Variants in TTYH3 observed in about 807,000 individuals in gnomAD.
TTYH3 encodes the protein protein tweety homolog 3.
A neutral mutation model predicts 68.2 loss-of-function variants in TTYH3; 23 were observed. The observed-to-expected ratio is 0.34, with a 90% CI of 0.24 to 0.48. The LOEUF is 0.48. Among genes scored for constraint, TTYH3 ranks in the 20% least tolerant of loss-of-function variants. TTYH3 has a pLI of 0.99. For synonymous variants in TTYH3, 360 were observed against 332.8 expected, an observed-to-expected ratio of 1.08 and a Z score of -0.89; for missense variants, 768 against 727.7, an observed-to-expected ratio of 1.06 and a Z score of -0.64.
intron 6 of TTYH3, 115 bp from the exon 7 acceptor site, chr7:2,649,798 T>C: frequency 7.0e-7 from 1 of 1,436,340 alleles, no homozygotes; most frequent in Non-Finnish European, 9.7e-7. Context: ...AACCCCAGAT[T>C]CACAGTCCAC....
Position 2,658,950 on chromosome 7 carries a change from G to A in TTYH3, c.1435G>A (p.Ala479Thr). The A allele has an allele frequency of 1.2e-6, 2 of 1,614,036 alleles. No homozygotes were observed. Among genetic ancestry groups the A allele is most frequent in the Non-Finnish European group, 1.7e-6 (2 of 1,179,914 alleles). ...APVTEYMSQN[A>T]NFQNPRCENT... ...CCCCTCATGCCTCAGGAGCCAGAAC[G>A]CTAATTTCCAGAACCCCCGCTGTGA... The change falls in exon 13 of 14, where the codon GCT becomes ACT. Residue 479 changes from alanine (A) to threonine (T), a missense_variant. Physicochemically the swap from Ala to Thr is moderately conservative, Grantham distance 58. Coordinates refer to ENST00000258796, the MANE Select transcript of TTYH3 (RefSeq NM_025250.3).
At position 2,649,562 on chromosome 7, in the gene TTYH3, C is replaced by G; in HGVS notation, c.723-5C>G. On this transcript the variant is annotated splice_region_variant and splice_polypyrimidine_tract_variant and intron_variant, in intron 5 of 13. Coordinates refer to ENST00000258796, the MANE Select transcript of TTYH3 (RefSeq NM_025250.3). ...GGGGCTGCTGACTGGCTGTCTCTGC[C>G]CCAGGGTCTGCCTGCTGGGAGTCCT... The G allele has an allele frequency of 6.3e-7, 1 of 1,579,830 alleles. No individual in the cohort carries two copies. The highest frequency in any genetic ancestry group is 8.5e-7 in the Non-Finnish European group (1 of 1,170,028).
At chr7:2,656,662 C>G (rs993343978) in intron 11 of TTYH3, 128 bp downstream of exon 11, 5 of 1,176,958 alleles carry the variant, frequency 4.2e-6, no homozygotes, top group Non-Finnish European at 5.7e-6. Context: ...CTCCTCACCT[C>G]GTGACCCTCC....
rs1361753123 is a variant in TTYH3 at position 2,647,228 on chromosome 7, G to T, written c.380G>T (p.Arg127Leu). 5 of 1,597,588 alleles carry T rather than the reference G, an allele frequency of 3.1e-6. No individual in the cohort carries two copies. The highest frequency in any genetic ancestry group is 4.3e-6 in the Non-Finnish European group (5 of 1,174,998). Residue 127 changes from arginine (R) to leucine (L), a missense_variant, in exon 3 of 14, where the codon CGC (arginine) becomes CTC (leucine). By Grantham distance (102) the Arg-to-Leu change is moderately radical. Transcript: ENST00000258796. ...ACCTACTCGCTCCGCCACGCCAACC[G>T]CACGGTGGCCGGGGTCCAGGACCGC... ...RATYSLRHAN[R>L]TVAGVQDRVW...
At chr7:2,639,382 C>T (rs1003980212) in intron 1 of TTYH3, among the ~76,000 whole-genome samples, 3 of 152,214 alleles carry the variant, frequency 2.0e-5, no homozygotes, top group Non-Finnish European at 4.4e-5. Context: ...AGTGCCCTCC[C>T]CCACCTGTTG....
At chr7:2,661,575 T>A (rs1238847587) in intron 13 of TTYH3, 93 bp from the exon 14 acceptor site, 3 of 1,258,834 alleles carry the variant, frequency 2.4e-6, no homozygotes, top group Non-Finnish European at 3.4e-6. Context: ...CCAGGGCTGT[T>A]GGCTCAGCCA....
At position 2,648,031 on chromosome 7, in the gene TTYH3, C is replaced by T. The variant is rs767908729; in HGVS notation, c.699C>T (p.Arg233=). 1.9e-6 allele frequency: 3 copies of T among 1,610,576 alleles called. No individual in the cohort carries two copies. Among genetic ancestry groups the T allele is most frequent in the Non-Finnish European group, 2.5e-6 (3 of 1,179,852 alleles). The change falls in exon 5 of 14, where the codon CGC becomes CGT. Residue 233 remains arginine, a synonymous_variant. Transcript: ENST00000258796. The part of the protein sequence containing the change: ...ICLLVLVGLI[R]SSKGILVGVC... ...TCCTGGTGCTGGTTGGCCTCATCCG[C>T]AGCTCCAAGGGCATCCTGGTGGGGT...
In TTYH3 at chr7:2,647,216, G is replaced by A; in HGVS notation, c.368G>A (p.Arg123His). The change falls in exon 3 of 14, where the codon CGC (arginine) becomes CAC (histidine). Residue 123 changes from arginine (R) to histidine (H), a missense_variant. Transcript: ENST00000258796. Reference sequence around the variant, plus strand: ...ATCCATAGGGCCACCTACTCGCTCCGCCACGCCAACCGCACGGTGGCCGGG... The same window carrying A: ...ATCCATAGGGCCACCTACTCGCTCCACCACGCCAACCGCACGGTGGCCGGG... ...DGIHRATYSL[R>H]HANRTVAGVQ... is the part of the protein sequence containing the mutation. The A allele has an allele frequency of 1.2e-6, 2 of 1,602,652 alleles. No homozygotes were observed. Among genetic ancestry groups the A allele is most frequent in the Non-Finnish European group, 8.5e-7 (1 of 1,176,892 alleles).
chr7:2,644,351 C>T (rs898138303), intron 1 of TTYH3, among the ~76,000 whole-genome samples: 3 of 152,146 alleles, frequency 2.0e-5, no homozygotes, highest in African/African-American at 4.8e-5. Context: ...TTCCAAGCTC[C>T]CTAACGTTTA....
intron 9 of TTYH3, 144 bp from the exon 10 acceptor site, chr7:2,655,948 T>G: frequency 1.5e-6 from 1 of 652,554 alleles, no homozygotes; most frequent in African/African-American, 1.8e-5. Context: ...CCTCAGGACC[T>G]GCACTGAGAC....
intron 1 of TTYH3, among the ~76,000 whole-genome samples, chr7:2,646,603 T>C (rs1785990173): frequency 6.6e-6 from 1 of 152,196 alleles, no homozygotes; most frequent in Non-Finnish European, 1.5e-5. Flanking sequence ...TATGGAGTCT[T>C]CATGCTGTGC....
At position 2,632,162 on chromosome 7, in the gene TTYH3, G is replaced by C. The variant is rs749777339; in HGVS notation, c.7G>C (p.Gly3Arg). 6 of 1,458,298 alleles carry C rather than the reference G, an allele frequency of 4.1e-6. No homozygotes were observed. The highest frequency in any genetic ancestry group is 5.5e-6 in the Non-Finnish European group (6 of 1,094,680). 90.3% of individuals were successfully genotyped at this position (1,458,298 alleles called of 1,614,324 possible). ...GAGGCGGCCGGGCCCCGCCATGGCC[G>C]GGGTCAGCTACGCGGCGCCCTGGTG... Reference protein sequence around the residue: MAGVSYAAPWWVS... With the variant: MARVSYAAPWWVS... Residue 3 changes from glycine (G) to arginine (R), a missense_variant, in exon 1 of 14, where the codon GGG becomes CGG. Gly to Arg is a moderately radical substitution (Grantham distance 125). Transcript: ENST00000258796.
At chr7:2,649,677 C>T in intron 6 of TTYH3, 38 bp downstream of exon 6, 1 of 1,575,740 alleles carries the variant, frequency 6.3e-7, no homozygotes, top group Non-Finnish European at 8.6e-7. Context: ...GGCTGCTGGA[C>T]CTGGGCACTG....
intron 1 of TTYH3, among the ~76,000 whole-genome samples, chr7:2,637,472 C>T (rs1035057307): frequency 2.0e-5 from 3 of 152,150 alleles, no homozygotes; most frequent in South Asian, 2.1e-4. Flanking sequence ...AGACTGGGCA[C>T]GGGTTCCAGC....
At chr7:2,643,491 C>T (rs922705313) in intron 1 of TTYH3, among the ~76,000 whole-genome samples, 11 of 152,238 alleles carry the variant, frequency 7.2e-5, no homozygotes, top group Non-Finnish European at 1.2e-4. Context: ...TGTGTTCCCT[C>T]ACCACCCTGC....
chr7:2,643,620 G>A (rs879743095), intron 1 of TTYH3, among the ~76,000 whole-genome samples: 1 of 152,252 alleles, frequency 6.6e-6, no homozygotes, highest in Non-Finnish European at 1.5e-5. Flanking sequence ...GCCATCTGAG[G>A]GACGGGCTTG....
In TTYH3 at chr7:2,663,610, C is replaced by G. The variant is rs1344090759; in HGVS notation, c.*1871C>G. 1 of 152,588 alleles carries G rather than the reference C, an allele frequency of 6.6e-6. No homozygotes were observed. Among genetic ancestry groups the G allele is most frequent in the Admixed American group, 6.5e-5 (1 of 15,292 alleles). 9.5% of individuals were successfully genotyped at this position (152,588 alleles called of 1,614,324 possible). A position where few individuals can be genotyped will look rare whatever the true frequency, so the allele number is the denominator to read the frequency against. ...TGCCCAGTCTTTCCTCTGGGCTTGA[C>G]CCGCCAGGGGAGTTCTCCAGGCCTA... On this transcript the variant is annotated 3_prime_UTR_variant, in exon 14 of 14. Coordinates refer to ENST00000258796, the MANE Select transcript of TTYH3 (RefSeq NM_025250.3).
At position 2,658,369 on chromosome 7, in the gene TTYH3, G is replaced by T; in HGVS notation, c.1334G>T (p.Ser445Ile). ...HDSLYRVHMPSLYSCGSSYGS... is the reference protein window; with the variant it reads ...HDSLYRVHMPILYSCGSSYGS... ...AGCCTCTACCGCGTCCACATGCCCA[G>T]CCTGTACAGCTGTGGCAGCAGCTAC... Residue 445 changes from serine (S) to isoleucine (I), a missense_variant, in exon 12 of 14, where the codon AGC (serine) becomes ATC (isoleucine). Ser to Ile is a moderately radical substitution (Grantham distance 142, BLOSUM62 -2). Transcript: ENST00000258796. The T allele has an allele frequency of 6.2e-7, 1 of 1,611,856 alleles. No individual in the cohort carries two copies. Among genetic ancestry groups the T allele is most frequent in the East Asian group, 2.2e-5 (1 of 44,842 alleles).
intron 13 of TTYH3, chr7:2,660,226 C>G: frequency 1.0e-6 from 1 of 985,444 alleles, no homozygotes; most frequent in Non-Finnish European, 1.2e-6. Flanking sequence ...CTGGGCCCGC[C>G]AGCCTCACAG....
Sources: allele counts gnomAD v4.1 joint callset (sites outside exome capture counted in the v4.1 genomes callset), GRCh38; gene constraint gnomAD v4.1.1; transcripts MANE v1.5; gene names NCBI Gene and HGNC (gene_info 2026-07-23, HGNC 2026-07-21).